The following SDHB variants were observed in gnomAD, a reference collection of about 807,000 sequenced individuals.
SDHB encodes succinate dehydrogenase complex iron sulfur subunit B.
In SDHB, 21 loss-of-function variants were observed where a neutral mutation model predicts 39.7. The ratio of observed to expected loss-of-function variants is 0.53; its 90% CI spans 0.37 to 0.76. The LOEUF is 0.76. SDHB is among the 30% of genes least tolerant of loss of function. The pLI is 0.00. For missense variants in SDHB, 343 were observed against 350.9 expected (o/e 0.98, Z 0.18); for synonymous variants, 118 against 117.0 (o/e 1.01, Z -0.06).
chr1:17,041,351 C>CT (rs2078078824), intron 2 of SDHB, among the ~76,000 whole-genome samples: 2 of 151,968 alleles, frequency 1.3e-5, no homozygotes, highest in Non-Finnish European at 2.9e-5. Flanking sequence ...GCATAATTTC[C>CT]TTTATCTATG....
chr1:17,035,869 T>A (rs1278444439), intron 2 of SDHB, among the ~76,000 whole-genome samples: 2 of 151,614 alleles, frequency 1.3e-5, no homozygotes, highest in Non-Finnish European at 2.9e-5. Context: ...AAAAAATAAA[T>A]AAATAAATAG....
intron 2 of SDHB, among the ~76,000 whole-genome samples, chr1:17,034,325 T>C (rs572947675): frequency 6.6e-6 from 1 of 152,152 alleles, no homozygotes; most frequent in East Asian, 1.9e-4. Flanking sequence ...TTTTTGTATT[T>C]TTTTGTAGAG....
chr1:17,051,393 T>A (rs914246143), intron 1 of SDHB, among the ~76,000 whole-genome samples: 5 of 152,196 alleles, frequency 3.3e-5, no homozygotes, highest in African/African-American at 9.7e-5. Context: ...GGCTGGTTGT[T>A]GTTCCTCCAG....
intron 1 of SDHB, among the ~76,000 whole-genome samples, chr1:17,047,912 C>T (rs1240202084): frequency 6.6e-6 from 1 of 152,042 alleles, no homozygotes; most frequent in Non-Finnish European, 1.5e-5. Flanking sequence ...AACTCCTGGC[C>T]CCAAGTGATC....
chr1:17,045,713 A>G (rs2101542645), intron 1 of SDHB, among the ~76,000 whole-genome samples: 1 of 152,368 alleles, frequency 6.6e-6, no homozygotes, highest in Admixed American at 6.5e-5. Context: ...TTGACTAATT[A>G]CAAAAAGATG....
chr1:17,020,578 T>TCGCAGAGCTTCTGAAGAAACA (rs2077955806), intron 7 of SDHB, among the ~76,000 whole-genome samples: 1 of 152,198 alleles, frequency 6.6e-6, no homozygotes, highest in Admixed American at 6.5e-5. Context: ...TTAGAGTCAC[T>TCGCAGAGCTTCTGAAGAAACA]CGCAGAGCTT....
Position 17,027,878 on chromosome 1 carries a change from G to A in SDHB, c.424-13C>T, listed in dbSNP as rs200936201. ...AGTTGCTCAAATCCTGTGGTTAAGA[G>A]GAAGAAGAAGAAGAAGAAGAAGAAA... On this transcript the variant is annotated splice_polypyrimidine_tract_variant and intron_variant, in intron 4 of 7. Transcript: ENST00000375499. The A allele has an allele frequency of 1.5e-6, 2 of 1,378,018 alleles. No individual in the cohort carries two copies. The highest frequency in any genetic ancestry group is 2.1e-6 in the Non-Finnish European group (2 of 966,632). The allele number at this position is 1,378,018 out of a possible 1,614,324, so 85.4% of individuals were successfully genotyped here.
chr1:17,042,954 G>GTTTTTTTATTT (rs2078089213), intron 2 of SDHB, among the ~76,000 whole-genome samples: 1 of 62,872 alleles, frequency 1.6e-5, no homozygotes, highest in Non-Finnish European at 2.7e-5. Context: ...TGTTTTATGA[G>GTTTTTTTATTT]TTTTTTTTTT....
intron 2 of SDHB, among the ~76,000 whole-genome samples, chr1:17,040,950 G>A (rs976878405): frequency 2.0e-5 from 3 of 152,120 alleles, no homozygotes; most frequent in Non-Finnish European, 4.4e-5. Flanking sequence ...CCAACATGGC[G>A]AAACCTTGTC....
At chr1:17,026,228 G>A (rs1174440701) in intron 5 of SDHB, among the ~76,000 whole-genome samples, 1 of 152,214 alleles carries the variant, frequency 6.6e-6, no homozygotes, top group African/African-American at 2.4e-5. Context: ...GGTAGAAACT[G>A]AGGAGCAGAG....
At chr1:17,024,436 G>A (rs12142244) in intron 5 of SDHB, among the ~76,000 whole-genome samples, 66,139 of 152,010 alleles carry the variant, frequency 0.44, 16,193 homozygotes, top group Non-Finnish European at 0.56. Flanking sequence ...AAGCCTAGGG[G>A]CTGAAGCAGC....
chr1:17,028,563 C>T, intron 4 of SDHB, 37 bp downstream of exon 4: 1 of 1,611,944 alleles, frequency 6.2e-7, no homozygotes, highest in Non-Finnish European at 8.5e-7. Context: ...GCCCCCCATG[C>T]AAATAAAAAC....
chr1:17,047,729 C>A (rs2078121778), intron 1 of SDHB, among the ~76,000 whole-genome samples: 1 of 151,650 alleles, frequency 6.6e-6, no homozygotes, highest in Admixed American at 6.6e-5. Context: ...ACTGATTGTG[C>A]AGTGGCATGA....
intron 3 of SDHB, among the ~76,000 whole-genome samples, chr1:17,031,969 C>T (rs1203253474): frequency 1.3e-5 from 2 of 152,118 alleles, no homozygotes; most frequent in South Asian, 4.1e-4. Context: ...ATAATAAGCA[C>T]AGTCATCTAC....
In SDHB at chr1:17,038,381, C is replaced by T. The variant is rs374862863; in HGVS notation, c.201-5236G>A. Among the ~76,000 whole-genome samples, 30 of 152,224 alleles carry T rather than the reference C, an allele frequency of 2.0e-4. 1 individual carries two copies. The highest frequency in any genetic ancestry group is 1.5e-3 in the Admixed American group (23 of 15,282). On this transcript the variant is annotated intron_variant, in intron 2 of 7. Coordinates refer to ENST00000375499, the MANE Select transcript of SDHB (RefSeq NM_003000.3). Reference sequence around the variant, plus strand: ...AATTATCTGTAGCCATTGAAATACACACACACACAAATAGTATTTTGCATA... The same window carrying T: ...AATTATCTGTAGCCATTGAAATACATACACACACAAATAGTATTTTGCATA...
At chr1:17,022,134 G>A (rs1293851363) in intron 7 of SDHB, among the ~76,000 whole-genome samples, 2 of 152,230 alleles carry the variant, frequency 1.3e-5, no homozygotes, top group East Asian at 3.8e-4. Context: ...AGCAGCAAAT[G>A]CGAGCAGGAA....
chr1:17,051,193 T>C (rs2078145071), intron 1 of SDHB, among the ~76,000 whole-genome samples: 1 of 152,242 alleles, frequency 6.6e-6, no homozygotes. Flanking sequence ...TGCCCAGCAA[T>C]TTATACTACA....
intron 1 of SDHB, among the ~76,000 whole-genome samples, chr1:17,046,497 G>T (rs1222010434): frequency 6.6e-6 from 1 of 152,030 alleles, no homozygotes; most frequent in Non-Finnish European, 1.5e-5. Flanking sequence ...ATCCAAAAAG[G>T]TCTTTTGTGC....
chr1:17,032,888 C>T, intron 3 of SDHB, 172 bp downstream of exon 3: 3 of 676,848 alleles, frequency 4.4e-6, no homozygotes, highest in Non-Finnish European at 8.1e-6. Context: ...AGAACTTGCA[C>T]CATGGTTAGA....
Sources: gnomAD v4.1 joint callset for allele counts (sites outside exome capture counted in the v4.1 genomes callset) on GRCh38, gnomAD v4.1.1 for gene constraint, MANE v1.5 for transcripts, NCBI Gene and HGNC (gene_info 2026-07-23, HGNC 2026-07-21) for gene names.